The following NOVA1 variants were observed in gnomAD, a reference collection of about 807,000 sequenced individuals.
NOVA1 encodes RNA-binding protein Nova-1.
In NOVA1, 7 loss-of-function variants were observed where a neutral mutation model predicts 38.0. That is an observed-to-expected ratio of 0.18 (90% confidence interval 0.10 to 0.35). NOVA1 has a LOEUF of 0.35. Among genes scored for constraint, NOVA1 ranks in the 10% least tolerant of loss-of-function variants. The probability of loss-of-function intolerance (pLI) is 1.00; values close to 1 mark genes in which losing one functional copy is unlikely to be tolerated. For missense variants in NOVA1, 460 were observed against 616.0 expected (o/e 0.75, Z 2.68); for synonymous variants, 270 against 232.5 (o/e 1.16, Z -1.47).
chr14:26,576,222 A>T (rs1892832226), intron 2 of NOVA1, among the ~76,000 whole-genome samples: 1 of 151,926 alleles, frequency 6.6e-6, no homozygotes, highest in South Asian at 2.1e-4. Flanking sequence ...TCTAAGAATG[A>T]TAGATTTTAT....
intron 4 of NOVA1, among the ~76,000 whole-genome samples, chr14:26,459,745 T>C (rs887796523): frequency 6.6e-6 from 1 of 152,064 alleles, no homozygotes; most frequent in African/African-American, 2.4e-5. Flanking sequence ...TATGGATTAA[T>C]ACTCTATGAC....
In NOVA1 at chr14:26,597,338, G is replaced by A. The variant is rs367905338; in HGVS notation, c.99C>T (p.Pro33=). The change falls in exon 1 of 5, where the codon CCC becomes CCT. Residue 33 remains proline (P), a synonymous_variant. Coordinates refer to ENST00000539517, the MANE Select transcript of NOVA1 (RefSeq NM_002515.3). ...PDSRKRPLEA[P]PEAGSTKRTN... ...TCCTCTTGGTGCTGCCGGCTTCAGG[G>A]GGGGCTTCCAGCGGCCTTTTCCGCG... The A allele has an allele frequency of 3.5e-5, 44 of 1,262,502 alleles. No homozygotes were observed. Among genetic ancestry groups the A allele is most frequent in the African/African-American group, 6.1e-5 (4 of 65,600 alleles). The allele number at this position is 1,262,502 out of a possible 1,614,324, so 78.2% of individuals were successfully genotyped here. A position where few individuals can be genotyped will look rare whatever the true frequency, so the allele number is the denominator to read the frequency against.
At chr14:26,584,688 T>C (rs1270891711) in intron 2 of NOVA1, among the ~76,000 whole-genome samples, 1 of 151,418 alleles carries the variant, frequency 6.6e-6, no homozygotes, top group Non-Finnish European at 1.5e-5. Context: ...TTTATGTCTA[T>C]ATATGCCTTA....
intron 2 of NOVA1, among the ~76,000 whole-genome samples, chr14:26,503,592 G>A (rs1306073969): frequency 6.6e-6 from 1 of 151,952 alleles, no homozygotes; most frequent in Non-Finnish European, 1.5e-5. Context: ...TAGCAATTAA[G>A]TACCAAACGT....
At chr14:26,589,521 T>C (rs1358493190) in intron 2 of NOVA1, among the ~76,000 whole-genome samples, 1 of 151,812 alleles carries the variant, frequency 6.6e-6, no homozygotes, top group Non-Finnish European at 1.5e-5. Flanking sequence ...GTTGGAACAC[T>C]TCAAACTACT....
At chr14:26,454,069 G>C (rs1882951732) in intron 4 of NOVA1, among the ~76,000 whole-genome samples, 1 of 151,238 alleles carries the variant, frequency 6.6e-6, no homozygotes, top group South Asian at 2.1e-4. Context: ...GAACAGGGGT[G>C]TCCAATTTTT....
At chr14:26,457,098 C>T (rs1883244374) in intron 4 of NOVA1, among the ~76,000 whole-genome samples, 1 of 151,894 alleles carries the variant, frequency 6.6e-6, no homozygotes, top group East Asian at 1.9e-4. Flanking sequence ...ACCATATACA[C>T]TTTGTCTTAT....
At chr14:26,540,361 G>C (rs1229806397) in intron 2 of NOVA1, among the ~76,000 whole-genome samples, 1 of 152,172 alleles carries the variant, frequency 6.6e-6, no homozygotes, top group South Asian at 2.1e-4. Flanking sequence ...ATCTGAGGTG[G>C]AGCAGTTTCA....
At chr14:26,477,157 A>G (rs527557803) in intron 3 of NOVA1, among the ~76,000 whole-genome samples, 44 of 152,350 alleles carry the variant, frequency 2.9e-4, no homozygotes, top group Non-Finnish European at 4.6e-4. Context: ...GCTACTTACT[A>G]AGAAGGCATT....
chr14:26,597,217 A>AGGAGGGAGGGAGGACGGCGAG (rs1566570769), intron 1 of NOVA1, 84 bp downstream of exon 1: 1 of 878,416 alleles, frequency 1.1e-6, no homozygotes, highest in Admixed American at 7.6e-5. Flanking sequence ...GAGGGAGGGA[A>AGGAGGGAGGGAGGACGGCGAG]GGAGGGAGGG....
At chr14:26,551,000 G>A (rs1440404479) in intron 2 of NOVA1, among the ~76,000 whole-genome samples, 1 of 151,968 alleles carries the variant, frequency 6.6e-6, no homozygotes, top group Non-Finnish European at 1.5e-5. Flanking sequence ...ATAGACCAGA[G>A]ATTCCCAATC....
intron 4 of NOVA1, among the ~76,000 whole-genome samples, chr14:26,457,648 G>A (rs996379567): frequency 6.6e-6 from 1 of 152,084 alleles, no homozygotes; most frequent in Non-Finnish European, 1.5e-5. Context: ...ACTGTTACTG[G>A]CTTATATATT....
intron 2 of NOVA1, among the ~76,000 whole-genome samples, chr14:26,486,709 A>AAAAAAAAAAAAAAAAAAAAC (rs1885930828): frequency 6.7e-6 from 1 of 148,928 alleles, no homozygotes; most frequent in Non-Finnish European, 1.5e-5. Flanking sequence ...AAAAAAAAAA[A>AAAAAAAAAAAAAAAAAAAAC]AAAAAAAAAA....
chr14:26,458,369 A>T (rs1431089598), intron 4 of NOVA1, among the ~76,000 whole-genome samples: 1 of 152,174 alleles, frequency 6.6e-6, no homozygotes, highest in Non-Finnish European at 1.5e-5. Flanking sequence ...CATAAAAGAC[A>T]CATGTACTAG....
At chr14:26,586,972 C>T (rs1594586251) in intron 2 of NOVA1, among the ~76,000 whole-genome samples, 1 of 145,620 alleles carries the variant, frequency 6.9e-6, no homozygotes, top group African/African-American at 2.5e-5. Flanking sequence ...GAGGTAAGGA[C>T]TTACTTCCTC....
chr14:26,539,873 A>G (rs1291470216), intron 2 of NOVA1, among the ~76,000 whole-genome samples: 1 of 152,114 alleles, frequency 6.6e-6, no homozygotes, highest in Non-Finnish European at 1.5e-5. Context: ...GGCAAAGGAA[A>G]AAAAAAACAA....
chr14:26,516,146 A>G (rs917066350), intron 2 of NOVA1, among the ~76,000 whole-genome samples: 1 of 152,130 alleles, frequency 6.6e-6, no homozygotes, highest in Non-Finnish European at 1.5e-5. Flanking sequence ...AATGAATAAT[A>G]TATTTGTAAC....
At chr14:26,497,120 A>G (rs1016983176) in intron 2 of NOVA1, among the ~76,000 whole-genome samples, 1 of 152,156 alleles carries the variant, frequency 6.6e-6, no homozygotes, top group African/African-American at 2.4e-5. Context: ...AAATCAATGT[A>G]CAAAAATCAC....
intron 2 of NOVA1, among the ~76,000 whole-genome samples, chr14:26,539,037 G>T (rs953253267): frequency 1.3e-5 from 2 of 151,892 alleles, no homozygotes; most frequent in African/African-American, 4.8e-5. Flanking sequence ...CTATATCCTA[G>T]CTAAAATATA....
Sources: gnomAD v4.1 joint callset for allele counts (sites outside exome capture counted in the v4.1 genomes callset) on GRCh38, gnomAD v4.1.1 for gene constraint, MANE v1.5 for transcripts, NCBI Gene and HGNC (gene_info 2026-07-23, HGNC 2026-07-21) for gene names.